RELN: variants seen among roughly 807,000 people sequenced by gnomAD.
RELN encodes the protein reelin.
A neutral mutation model predicts 427.6 loss-of-function variants in RELN; 108 were observed. The observed-to-expected ratio is 0.25, with a 90% CI of 0.22 to 0.30. RELN has a LOEUF of 0.30. RELN is among the 10% of genes least tolerant of loss of function. The pLI is 1.00. For missense variants in RELN, 3,715 were observed against 4,302.8 expected, an observed-to-expected ratio of 0.86 and a Z score of 3.82; for synonymous variants, 1,524 against 1,513.4, an observed-to-expected ratio of 1.01 and a Z score of -0.16.
At chr7:103,964,276 T>C (rs1409037545) in intron 1 of RELN, among the ~76,000 whole-genome samples, 1 of 152,124 alleles carries the variant, frequency 6.6e-6, no homozygotes, top group African/African-American at 2.4e-5. Flanking sequence ...GAAATTGGAG[T>C]AAGTCATTCC....
rs545406411 is a variant in RELN, at chr7:103,667,360, T to C, written c.1290-5833A>G. On this transcript the variant is annotated intron_variant, in intron 11 of 64. Coordinates refer to ENST00000428762, the MANE Select transcript of RELN (RefSeq NM_005045.4). ...CTCTTTTAGAGTAGGTTCAATTTAT[T>C]TTAACATGTTAAATAATCAATTTTT... Among the ~76,000 whole-genome samples, 4 of 152,364 alleles carry C rather than the reference T, an allele frequency of 2.6e-5. No individual in the cohort carries two copies. The East Asian group carries it at 7.7e-4, about 29-fold the overall frequency.
chr7:103,671,871 A>C (rs975852430), intron 11 of RELN, among the ~76,000 whole-genome samples: 30 of 152,160 alleles, frequency 2.0e-4, no homozygotes, highest in Non-Finnish European at 4.0e-4. Context: ...ATAAAAGTGA[A>C]CATGACTGTA....
intron 2 of RELN, among the ~76,000 whole-genome samples, chr7:103,835,394 A>G (rs916929748): frequency 2.0e-5 from 3 of 152,174 alleles, no homozygotes; most frequent in African/African-American, 7.2e-5. Flanking sequence ...AATGTATCCA[A>G]ACACATAGAA....
chr7:103,506,570 A>ATTTC (rs1476486385), intron 51 of RELN, among the ~76,000 whole-genome samples: 3 of 152,196 alleles, frequency 2.0e-5, no homozygotes, highest in Non-Finnish European at 4.4e-5. Context: ...AGCACTAAAC[A>ATTTC]TGGAAAGGAA....
chr7:103,501,333 G>C (rs1019366045), intron 52 of RELN, among the ~76,000 whole-genome samples: 3 of 152,174 alleles, frequency 2.0e-5, no homozygotes, highest in Admixed American at 1.3e-4. Context: ...CAAGAGCCTT[G>C]TCAGCATACA....
At chr7:103,851,068 G>A (rs966941861) in intron 2 of RELN, among the ~76,000 whole-genome samples, 1 of 152,162 alleles carries the variant, frequency 6.6e-6, no homozygotes, top group Admixed American at 6.5e-5. Context: ...TTGCAAAATC[G>A]TGGAACCAAC....
chr7:103,972,894 A>ATGTGTGTGTGTCTG (rs1796793397), intron 1 of RELN, among the ~76,000 whole-genome samples: 5 of 149,166 alleles, frequency 3.4e-5, no homozygotes, highest in Non-Finnish European at 7.4e-5. Flanking sequence ...GCATATGATT[A>ATGTGTGTGTGTCTG]TGTGTGTGTG....
intron 3 of RELN, among the ~76,000 whole-genome samples, chr7:103,784,366 C>T (rs1791966079): frequency 6.6e-6 from 1 of 152,152 alleles, no homozygotes; most frequent in Non-Finnish European, 1.5e-5. Flanking sequence ...CAGCAGCCCT[C>T]ACCTACGTCA....
At chr7:103,535,901 T>C (rs1235802799) in intron 45 of RELN, among the ~76,000 whole-genome samples, 1 of 151,636 alleles carries the variant, frequency 6.6e-6, no homozygotes, top group African/African-American at 2.4e-5. Flanking sequence ...ATCATTTAAA[T>C]GGTATATCAT....
intron 2 of RELN, among the ~76,000 whole-genome samples, chr7:103,839,303 C>CTTTTTTTTT (rs34244913): frequency 5.8e-5 from 7 of 121,180 alleles, no homozygotes; most frequent in Non-Finnish European, 8.5e-5. Flanking sequence ...GTGGTCTTTG[C>CTTTTTTTTT]TTTTTTTTTT....
At chr7:103,670,450 ATTG>A (rs1251222051) in intron 11 of RELN, among the ~76,000 whole-genome samples, 2 of 152,096 alleles carry the variant, frequency 1.3e-5, no homozygotes, top group Admixed American at 6.6e-5. Flanking sequence ...GTCTATATTT[ATTG>A]ACTAGAAGGG....
chr7:103,851,839 G>A (rs991636569), intron 2 of RELN, among the ~76,000 whole-genome samples: 2 of 152,124 alleles, frequency 1.3e-5, no homozygotes, highest in African/African-American at 4.8e-5. Context: ...TTATTCAATC[G>A]GATATTAGCA....
chr7:103,523,554 A>C (rs1829757544), intron 46 of RELN, 23 bp from the exon 47 acceptor site: 1 of 1,613,798 alleles, frequency 6.2e-7, no homozygotes, highest in Admixed American at 1.7e-5. Flanking sequence ...TGAGAATTTT[A>C]ATGAAGGATG....
intron 2 of RELN, among the ~76,000 whole-genome samples, chr7:103,850,927 A>C (rs1793805864): frequency 6.6e-6 from 1 of 152,210 alleles, no homozygotes; most frequent in African/African-American, 2.4e-5. Flanking sequence ...AACAGTGCAG[A>C]GATTCCTTAA....
At chr7:103,692,467 G>A (rs1307229269) in intron 10 of RELN, among the ~76,000 whole-genome samples, 1 of 152,110 alleles carries the variant, frequency 6.6e-6, no homozygotes, top group Non-Finnish European at 1.5e-5. Flanking sequence ...CAACCCTGGA[G>A]GATTAAGGAT....
At chr7:103,526,345 C>A (rs547881879) in intron 46 of RELN, among the ~76,000 whole-genome samples, 1 of 152,320 alleles carries the variant, frequency 6.6e-6, no homozygotes, top group South Asian at 2.1e-4. Context: ...GAAAAATGTA[C>A]TAACATGGGA....
chr7:103,602,929 C>T (rs1158875227), intron 24 of RELN, among the ~76,000 whole-genome samples: 4 of 152,102 alleles, frequency 2.6e-5, no homozygotes, highest in African/African-American at 7.2e-5. Flanking sequence ...CCCCTCGTTG[C>T]CCCCAGGCCT....
chr7:103,810,414 C>G (rs1792711050), intron 3 of RELN, among the ~76,000 whole-genome samples: 1 of 152,132 alleles, frequency 6.6e-6, no homozygotes, highest in South Asian at 2.1e-4. Flanking sequence ...TCATCACGAC[C>G]TAAAGTTAGG....
intron 46 of RELN, among the ~76,000 whole-genome samples, chr7:103,531,018 G>A (rs1829926452): frequency 6.6e-6 from 1 of 152,190 alleles, no homozygotes; most frequent in Non-Finnish European, 1.5e-5. Context: ...ATTAAGCTGT[G>A]ACTTAGGAAA....
Sources: gnomAD v4.1 joint callset for allele counts (sites outside exome capture counted in the v4.1 genomes callset) on GRCh38, gnomAD v4.1.1 for gene constraint, MANE v1.5 for transcripts, NCBI Gene and HGNC (gene_info 2026-07-23, HGNC 2026-07-21) for gene names.